Variants in KANK1 observed in about 807,000 individuals in gnomAD.
KANK1 encodes KN motif and ankyrin repeat domain-containing protein 1.
Under a neutral mutation model 106.2 loss-of-function variants are expected in KANK1, and 109 were observed. The observed-to-expected ratio is 1.03, with a 90% CI of 0.88 to 1.20. KANK1 has a LOEUF of 1.20. KANK1 is among the 50% of genes most tolerant of loss of function. The probability of loss-of-function intolerance (pLI) is 0.00; values close to 1 mark genes in which losing one functional copy is unlikely to be tolerated. For synonymous variants in KANK1, 873 were observed against 652.2 expected (o/e 1.34, Z -5.16); for missense variants, 2,399 against 1,710.7 (o/e 1.40, Z -7.10).
At chr9:502,834 T>C (rs1367962369), upstream of KANK1, among the ~76,000 whole-genome samples, 2 of 151,580 alleles carry the variant, frequency 1.3e-5, no homozygotes, top group African/African-American at 4.8e-5. Flanking sequence ...TCGAGGGCAC[T>C]ATTTATTTAT....
At position 635,694 on chromosome 9, in the gene KANK1, C is replaced by CTTTTT. The variant is rs1162836319; in HGVS notation, c.-83-41178_-83-41174dup. On this transcript the variant is annotated intron_variant, in intron 1 of 11. Transcript: ENST00000382297. ...CCATTTACCCACATTCCTTTTTATT[C>CTTTTT]TTTTTTTTTTTTTTTTTTTTTTGAG... Among the ~76,000 whole-genome samples the CTTTTT allele has an allele frequency of 9.6e-3, 990 of 103,336 alleles. 35 individuals are homozygous for CTTTTT. The highest frequency in any genetic ancestry group is 0.026 in the African/African-American group (687 of 26,126). The allele number at this position is 103,336 out of a possible 152,430, so 67.8% of individuals were successfully genotyped here.
chr9:710,769 C>G (rs370581201), intron 2 of KANK1, 35 bp from the exon 3 acceptor site: 5 of 1,530,736 alleles, frequency 3.3e-6, no homozygotes, highest in Non-Finnish European at 4.4e-6. Context: ...AGGTGTATTG[C>G]ATGTCATTAT....
At chr9:572,336 G>A (rs1819417779) in intron 1 of KANK1, among the ~76,000 whole-genome samples, 1 of 151,620 alleles carries the variant, frequency 6.6e-6, no homozygotes, top group Admixed American at 6.6e-5. Context: ...GGATCATGAG[G>A]TCAAGAGATC....
At chr9:717,378 C>T (rs1008192370) in intron 3 of KANK1, among the ~76,000 whole-genome samples, 3 of 152,114 alleles carry the variant, frequency 2.0e-5, no homozygotes, top group Non-Finnish European at 4.4e-5. Context: ...TGGTAGCCCG[C>T]GTGTGTTTGG....
In KANK1 at chr9:495,968, A is replaced by AACAC. The variant is rs33961058; in HGVS notation, c.-362+22714_-362+22717dup. ...AAAGTTATCATCACTAGCATAATTAAACACACACACACACACACACACCAC... is the reference window on the plus strand; with the variant it reads ...AAAGTTATCATCACTAGCATAATTAAACACACACACACACACACACACACACCAC... On this transcript the variant is annotated intron_variant, in intron 3 of 15. Transcript: ENST00000382303. Among the ~76,000 whole-genome samples, 1,137 of 149,734 alleles carry AACAC rather than the reference A, an allele frequency of 7.6e-3. 16 individuals carry two copies. The highest frequency in any genetic ancestry group is 0.026 in the African/African-American group (1,044 of 40,854).
chr9:637,981 T>A (rs1357626505), intron 1 of KANK1, among the ~76,000 whole-genome samples: 5 of 152,184 alleles, frequency 3.3e-5, no homozygotes, highest in South Asian at 2.1e-4. Flanking sequence ...TGCTGGTACA[T>A]CTTCAGACTC....
In KANK1 at chr9:679,413, G is replaced by GA. The variant is rs111372766; in HGVS notation, c.37+2414dup. On this transcript the variant is annotated intron_variant, in intron 2 of 11. Transcript: ENST00000382297. ...GTACACCATATATATGACACTCATA[G>GA]AAAAAAAAAATTTTTTTTTGAGATG... Among the ~76,000 whole-genome samples, 12 of 150,904 alleles carry GA rather than the reference G, an allele frequency of 8.0e-5. No individual in the cohort carries two copies. The East Asian group carries it at 9.7e-4, about 12-fold the overall frequency.
chr9:521,449 T>C (rs961166027), intron 1 of KANK1, among the ~76,000 whole-genome samples: 5 of 151,626 alleles, frequency 3.3e-5, no homozygotes, highest in Admixed American at 1.3e-4. Context: ...CTTCCTGAGC[T>C]CTTAACCTGC....
intron 7 of KANK1, among the ~76,000 whole-genome samples, chr9:737,381 G>C (rs546840612): frequency 1.3e-5 from 2 of 152,268 alleles, no homozygotes; most frequent in African/African-American, 4.8e-5. Context: ...TTCTGACATA[G>C]GCTGTCTTTC....
chr9:643,377 A>T (rs1838905542), intron 1 of KANK1, among the ~76,000 whole-genome samples: 2 of 150,756 alleles, frequency 1.3e-5, no homozygotes, highest in Non-Finnish European at 2.9e-5. Flanking sequence ...GTTAACTCTT[A>T]AATGTTTTTT....
At chr9:556,894 A>G (rs1281445185) in intron 1 of KANK1, among the ~76,000 whole-genome samples, 1 of 152,158 alleles carries the variant, frequency 6.6e-6, no homozygotes, top group Non-Finnish European at 1.5e-5. Context: ...GACATGCAGT[A>G]TGGGGACTTT....
intron 3 of KANK1, among the ~76,000 whole-genome samples, chr9:497,492 G>T (rs896465694): frequency 6.6e-6 from 1 of 151,730 alleles, no homozygotes; most frequent in African/African-American, 2.4e-5. Context: ...TAATGTTCAA[G>T]AATTCTTCTC....
At chr9:529,234 TACACACACACACAC>T (rs5895851) in intron 1 of KANK1, among the ~76,000 whole-genome samples, 1 of 148,704 alleles carries the variant, frequency 6.7e-6, no homozygotes, top group Non-Finnish European at 1.5e-5. Context: ...TATATATATA[TACACACACACACAC>T]ACACACATAT....
intron 2 of KANK1, among the ~76,000 whole-genome samples, chr9:695,778 C>T (rs981674957): frequency 1.3e-5 from 2 of 152,144 alleles, no homozygotes; most frequent in Non-Finnish European, 2.9e-5. Context: ...ATTATTTTCT[C>T]AAACAATTGG....
rs754030561 is a variant in KANK1 at position 745,226 on chromosome 9, A to C, written c.4050A>C (p.Ser1350=). 1 of 1,614,080 alleles carries C rather than the reference A, an allele frequency of 6.2e-7. No homozygotes were observed. The highest frequency in any genetic ancestry group is 1.1e-5 in the South Asian group (1 of 91,068). Residue 1350 remains serine, a synonymous_variant, in exon 12 of 12, where the codon TCA becomes TCC. Coordinates refer to ENST00000382297, the MANE Select transcript of KANK1 (RefSeq NM_015158.5). The stretch of plus-strand genomic sequence containing the variant: ...CTCCTGGCCCCACCCACCGAGGTTC[A>C]TTTGATTGATTGTATGCAAATAGCC... ...KTSPGPTHRG[S]FD
chr9:606,969 G>T (rs527645720), intron 1 of KANK1, among the ~76,000 whole-genome samples: 1 of 141,326 alleles, frequency 7.1e-6, no homozygotes, highest in Non-Finnish European at 1.5e-5. Context: ...GTAGTTGCCC[G>T]TTCACATTTT....
chr9:658,045 T>A (rs776983103), intron 1 of KANK1, among the ~76,000 whole-genome samples: 9 of 152,118 alleles, frequency 5.9e-5, no homozygotes, highest in Non-Finnish European at 1.0e-4. Context: ...AGTTCCATTC[T>A]GCTTTAAACA....
At chr9:578,508 A>G (rs1457411424) in intron 1 of KANK1, among the ~76,000 whole-genome samples, 1 of 152,040 alleles carries the variant, frequency 6.6e-6, no homozygotes, top group Non-Finnish European at 1.5e-5. Context: ...AGTCCTCTAT[A>G]CAAAAATCTT....
At chr9:674,340 C>G (rs998399539) in intron 1 of KANK1, 1 of 149,484 alleles carries the variant, frequency 6.7e-6, no homozygotes, top group African/African-American at 2.5e-5. Flanking sequence ...GTCAGTGTAG[C>G]TGGAAAAGCC....
Sources: gnomAD v4.1 joint callset for allele counts (sites outside exome capture counted in the v4.1 genomes callset) on GRCh38, gnomAD v4.1.1 for gene constraint, MANE v1.5 for transcripts, NCBI Gene and HGNC (gene_info 2026-07-23, HGNC 2026-07-21) for gene names.